INO80D: variants seen among roughly 807,000 people sequenced by gnomAD.
INO80D encodes INO80 complex subunit D.
Under a neutral mutation model 87.6 loss-of-function variants are expected in INO80D, and 21 were observed. That is an observed-to-expected ratio of 0.24 (90% CI 0.17 to 0.35). The LOEUF is 0.35. Ranked by LOEUF, INO80D falls within the 10% of genes least tolerant of loss-of-function variation. The pLI, the probability that INO80D is intolerant of heterozygous loss-of-function variation, is 1.00. For synonymous variants in INO80D, 440 were observed against 491.0 expected (o/e 0.90, Z 1.37); for missense variants, 982 against 1,280.7 (o/e 0.77, Z 3.56).
rs1001240583 is a variant in INO80D, at chr2:206,000,820, AAAT to A, written c.*3545_*3547del. 5 of 152,198 alleles carry A rather than the reference AAAT, an allele frequency of 3.3e-5. No homozygotes were observed. The highest frequency in any genetic ancestry group is 7.3e-5 in the Non-Finnish European group (5 of 68,032). 9.4% of individuals were successfully genotyped at this position (152,198 alleles called of 1,614,324 possible). A position where few individuals can be genotyped will look rare whatever the true frequency, so the allele number is the denominator to read the frequency against. Reference sequence around the variant, plus strand: ...CAGTAACACCAATTTTAAGGAAAAAAAATAATAACCTCACTTTCCAACTTGCTC... The same window carrying A: ...CAGTAACACCAATTTTAAGGAAAAAAAATAACCTCACTTTCCAACTTGCTC... On this transcript the variant is annotated 3_prime_UTR_variant, in exon 11 of 11. Transcript: ENST00000403263.
chr2:206,032,708 C>G (rs1688800089), intron 5 of INO80D, among the ~76,000 whole-genome samples: 1 of 152,144 alleles, frequency 6.6e-6, no homozygotes, highest in Admixed American at 6.5e-5. Flanking sequence ...AATTTTGTAT[C>G]AAGCAAAACT....
At chr2:206,051,699 CTA>C (rs1488259381) in intron 4 of INO80D, among the ~76,000 whole-genome samples, 1 of 151,906 alleles carries the variant, frequency 6.6e-6, no homozygotes, top group Non-Finnish European at 1.5e-5. Flanking sequence ...GAGAATCTCA[CTA>C]TGTTTCCCAG....
At chr2:206,057,722 T>A in intron 3 of INO80D, among the ~76,000 whole-genome samples, 1 of 152,108 alleles carries the variant, frequency 6.6e-6, no homozygotes. Flanking sequence ...GTATACTGCT[T>A]GGGTGATGGT....
At chr2:206,032,245 C>T (rs1688788602) in intron 5 of INO80D, among the ~76,000 whole-genome samples, 1 of 152,190 alleles carries the variant, frequency 6.6e-6, no homozygotes, top group Admixed American at 6.5e-5. Flanking sequence ...GGGAAAGAAC[C>T]AAAGCCCCTC....
chr2:206,073,182 T>C (rs1179235488), intron 1 of INO80D, among the ~76,000 whole-genome samples: 1 of 152,188 alleles, frequency 6.6e-6, no homozygotes, highest in Non-Finnish European at 1.5e-5. Context: ...AAATCACTGT[T>C]CTGTAAACTG....
intron 1 of INO80D, among the ~76,000 whole-genome samples, chr2:206,079,803 C>G (rs1021086821): frequency 6.6e-6 from 1 of 152,180 alleles, no homozygotes; most frequent in South Asian, 2.1e-4. Flanking sequence ...TAGGACCTGG[C>G]CAGACTGACC....
intron 1 of INO80D, among the ~76,000 whole-genome samples, chr2:206,074,181 C>G (rs562447474): frequency 6.6e-6 from 1 of 152,228 alleles, no homozygotes; most frequent in East Asian, 1.9e-4. Flanking sequence ...GTAATTAAAG[C>G]ACTTTAGAGC....
intron 8 of INO80D, among the ~76,000 whole-genome samples, chr2:206,013,805 A>G (rs1688242524): frequency 6.6e-6 from 1 of 151,154 alleles, no homozygotes; most frequent in South Asian, 2.1e-4. Flanking sequence ...TTCAAAAAGC[A>G]TATAGAAATT....
At chr2:206,007,468 A>C in intron 9 of INO80D, 27 bp from the exon 10 acceptor site, 1 of 1,582,038 alleles carries the variant, frequency 6.3e-7, no homozygotes, top group Non-Finnish European at 8.6e-7. Context: ...TGTTGGTCCC[A>C]TAACTCCCCC....
intron 5 of INO80D, among the ~76,000 whole-genome samples, chr2:206,044,547 T>C (rs563523299): frequency 2.7e-5 from 4 of 147,440 alleles, no homozygotes; most frequent in African/African-American, 1.0e-4. Flanking sequence ...CAGAGTATCG[T>C]AGTAATCAAA....
In INO80D at chr2:205,997,131, C is replaced by A. The variant is rs2105782543; in HGVS notation, c.*7237G>T. Reference sequence around the variant, plus strand: ...TTTTTTAAGTATTAAAAATAAATGTCATTGGAACATTTAATACCAACTCTA... The same window carrying A: ...TTTTTTAAGTATTAAAAATAAATGTAATTGGAACATTTAATACCAACTCTA... On this transcript the variant is annotated 3_prime_UTR_variant, in exon 11 of 11. Coordinates refer to ENST00000403263, the MANE Select transcript of INO80D (RefSeq NM_017759.5). The A allele has an allele frequency of 6.6e-6, 1 of 152,098 alleles. No homozygotes were observed. Among genetic ancestry groups the A allele is most frequent in the South Asian group, 2.1e-4 (1 of 4,820 alleles). 9.4% of individuals were successfully genotyped at this position (152,098 alleles called of 1,614,324 possible).
chr2:206,070,213 C>T lies in INO80D; in HGVS notation c.-123-6969G>A, dbSNP rs529233159. Reference sequence around the variant, plus strand: ...GGCGGATCACTTGAGGTCAGGAGTTCGAGACCAGCCTGGCCAACATGTTGA... The same window carrying T: ...GGCGGATCACTTGAGGTCAGGAGTTTGAGACCAGCCTGGCCAACATGTTGA... On this transcript the variant is annotated intron_variant, in intron 1 of 10. Coordinates refer to ENST00000403263, the MANE Select transcript of INO80D (RefSeq NM_017759.5). Among the ~76,000 whole-genome samples the T allele has an allele frequency of 2.7e-5, 4 of 146,912 alleles. No individual in the cohort carries two copies. In the South Asian group the frequency reaches 8.7e-4, roughly 32 times the overall value.
chr2:206,022,327 A>G (rs1287576683), intron 6 of INO80D, among the ~76,000 whole-genome samples: 23 of 152,184 alleles, frequency 1.5e-4, no homozygotes, highest in Admixed American at 1.5e-3. Flanking sequence ...AGATCACACC[A>G]TTGCACTCCA....
chr2:206,066,796 C>T (rs1434398014), intron 1 of INO80D, among the ~76,000 whole-genome samples: 1 of 139,764 alleles, frequency 7.2e-6, no homozygotes, highest in Admixed American at 7.7e-5. Flanking sequence ...CAGAGCAAGA[C>T]TCCATCACAA....
chr2:206,011,803 C>T (rs1362150512), intron 8 of INO80D, among the ~76,000 whole-genome samples: 1 of 152,148 alleles, frequency 6.6e-6, no homozygotes, highest in Non-Finnish European at 1.5e-5. Flanking sequence ...ATGGTCCTGC[C>T]CTTGTGAGGT....
At chr2:206,081,106 A>C (rs1690270479) in intron 1 of INO80D, among the ~76,000 whole-genome samples, 1 of 152,124 alleles carries the variant, frequency 6.6e-6, no homozygotes. Context: ...TTTACAGACG[A>C]AGAAAACTGA....
chr2:206,061,068 T>C (rs1029166338), intron 3 of INO80D, among the ~76,000 whole-genome samples: 1 of 151,994 alleles, frequency 6.6e-6, no homozygotes, highest in Non-Finnish European at 1.5e-5. Flanking sequence ...AGCTGGAGTA[T>C]AGTGGCACAA....
chr2:206,044,451 G>T (rs905218370), intron 5 of INO80D, among the ~76,000 whole-genome samples: 2 of 145,402 alleles, frequency 1.4e-5, no homozygotes, highest in Non-Finnish European at 3.0e-5. Context: ...GGAAACAGCA[G>T]CTGGGCAAGA....
chr2:206,038,419 T>TTGCC (rs756500184), intron 5 of INO80D, among the ~76,000 whole-genome samples: 1 of 152,222 alleles, frequency 6.6e-6, no homozygotes, highest in Non-Finnish European at 1.5e-5. Context: ...ACAGAACTTG[T>TTGCC]TGCCATTCTA....
Sources: gnomAD v4.1 joint callset for allele counts (sites outside exome capture counted in the v4.1 genomes callset) on GRCh38, gnomAD v4.1.1 for gene constraint, MANE v1.5 for transcripts, NCBI Gene and HGNC (gene_info 2026-07-23, HGNC 2026-07-21) for gene names.